Variants in ADCK1 observed in about 807,000 individuals in gnomAD.
The protein encoded by ADCK1 is aarF domain-containing protein kinase 1.
Under a neutral mutation model 52.3 loss-of-function variants are expected in ADCK1, and 41 were observed. The observed-to-expected ratio is 0.78, with a 90% CI of 0.61 to 1.02. The LOEUF (loss-of-function observed/expected upper bound fraction) is 1.02, where lower values mean the gene tolerates loss of function less well. Among genes scored for constraint, ADCK1 ranks in the 50% least tolerant of loss-of-function variants. ADCK1 has a pLI of 0.00. For missense variants in ADCK1, 658 were observed against 679.5 expected (o/e 0.97, Z 0.35); for synonymous variants, 250 against 274.6 (o/e 0.91, Z 0.89).
intron 4 of ADCK1, among the ~76,000 whole-genome samples, chr14:77,864,487 T>C (rs1261708017): frequency 6.6e-6 from 1 of 152,154 alleles, no homozygotes; most frequent in Non-Finnish European, 1.5e-5. Context: ...ACCTCTGTTG[T>C]CCCATGGAGA....
intron 3 of ADCK1, among the ~76,000 whole-genome samples, chr14:77,838,038 G>A (rs2081996350): frequency 6.6e-6 from 1 of 152,200 alleles, no homozygotes; most frequent in South Asian, 2.1e-4. Flanking sequence ...TGATCGAGAT[G>A]CTTGTTAACA....
At chr14:77,893,889 A>G (rs1204480375) in intron 5 of ADCK1, among the ~76,000 whole-genome samples, 1 of 151,752 alleles carries the variant, frequency 6.6e-6, no homozygotes, top group Non-Finnish European at 1.5e-5. Context: ...ATCTGCCACC[A>G]CGCCTGGCTA....
At chr14:77,817,809 T>C (rs185973146) in intron 1 of ADCK1, among the ~76,000 whole-genome samples, 135 of 151,692 alleles carry the variant, frequency 8.9e-4, no homozygotes, top group South Asian at 2.3e-3. Flanking sequence ...AATCTCGGCT[T>C]ACTGCAAGCT....
rs1406663824 is a variant in ADCK1, at chr14:77,931,606, T to C, written c.1295T>C (p.Leu432Ser). 1.2e-6 allele frequency: 2 copies of C among 1,613,740 alleles called. No individual in the cohort carries two copies. Among genetic ancestry groups the C allele is most frequent in the South Asian group, 2.2e-5 (2 of 91,086 alleles). Residue 432 changes from leucine to serine, a missense_variant, in exon 10 of 11, where the codon TTG (leucine) becomes TCG (serine). Leu to Ser is a moderately radical substitution (Grantham distance 145). Transcript: ENST00000238561. The part of the protein sequence containing the change: ...NHVPRQMLLI[L>S]KTNDLLRGIE... ...GTGCCGCGCCAGATGCTGCTCATCT[T>C]GAAGACCAACGACCTGCTGCGTGGC... is the stretch of plus-strand genomic sequence containing the variant.
intron 4 of ADCK1, among the ~76,000 whole-genome samples, chr14:77,867,358 G>C (rs1329006430): frequency 6.6e-6 from 1 of 152,156 alleles, no homozygotes; most frequent in Non-Finnish European, 1.5e-5. Flanking sequence ...TGTACAGGAG[G>C]ACTAGGGGCC....
At chr14:77,908,017 G>C (rs2083707362) in intron 7 of ADCK1, 98 bp downstream of exon 7, 2 of 954,688 alleles carry the variant, frequency 2.1e-6, no homozygotes, top group Admixed American at 4.2e-5. Context: ...CTCAGAGTCT[G>C]GCCCCCTTGT....
chr14:77,821,317 T>C (rs2081577383), intron 2 of ADCK1, among the ~76,000 whole-genome samples: 1 of 152,104 alleles, frequency 6.6e-6, no homozygotes, highest in South Asian at 2.1e-4. Flanking sequence ...CTGGTCTGGA[T>C]TGTCTTTGAA....
At chr14:77,800,395 C>T (rs1033593473) in intron 1 of ADCK1, among the ~76,000 whole-genome samples, 6 of 152,270 alleles carry the variant, frequency 3.9e-5, no homozygotes, top group Admixed American at 6.5e-5. Flanking sequence ...TTGCCCCGCC[C>T]CCCTGCAGTG....
intron 3 of ADCK1, among the ~76,000 whole-genome samples, chr14:77,827,677 G>T (rs1369040607): frequency 6.6e-6 from 1 of 152,024 alleles, no homozygotes; most frequent in Non-Finnish European, 1.5e-5. Context: ...GGGAAGAAAT[G>T]AAATTCAAAA....
At chr14:77,811,112 G>C (rs1388140387) in intron 1 of ADCK1, among the ~76,000 whole-genome samples, 2 of 152,004 alleles carry the variant, frequency 1.3e-5, no homozygotes, top group Non-Finnish European at 2.9e-5. Context: ...GTAGGGTTAA[G>C]TGGGGGCCAC....
intron 4 of ADCK1, among the ~76,000 whole-genome samples, chr14:77,874,352 A>G (rs1365426017): frequency 6.6e-6 from 1 of 152,190 alleles, no homozygotes; most frequent in East Asian, 1.9e-4. Flanking sequence ...GGAATCTGCA[A>G]ATAGGGTTGC....
intron 3 of ADCK1, among the ~76,000 whole-genome samples, chr14:77,852,667 A>ATATATATAT (rs2082314936): frequency 9.8e-3 from 61 of 6,228 alleles, no homozygotes; most frequent in African/African-American, 0.019. Flanking sequence ...ATAAATATAT[A>ATATATATAT]TATATATATA....
rs1444459162 is a variant in ADCK1 at position 77,805,414 on chromosome 14, A to T, written c.-12+5244A>T. On this transcript the variant is annotated intron_variant, in intron 1 of 10. Coordinates refer to ENST00000238561, the MANE Select transcript of ADCK1 (RefSeq NM_020421.4). ...GTAACTGGGATTACAGGCACCTGCC[A>T]CCACACTTGGCTAATTTTTGTATTT... Among the ~76,000 whole-genome samples the T allele has an allele frequency of 4.6e-5, 7 of 151,618 alleles. No homozygotes were observed. The East Asian group carries it at 1.4e-3, about 30-fold the overall frequency.
intron 3 of ADCK1, among the ~76,000 whole-genome samples, chr14:77,836,594 A>G (rs719049): frequency 1.3e-5 from 2 of 151,854 alleles, no homozygotes; most frequent in East Asian, 3.9e-4. Context: ...ATTCTCCTAC[A>G]TTTCTTAAGG....
chr14:77,852,180 G>T (rs8022673), intron 3 of ADCK1, among the ~76,000 whole-genome samples: 2,243 of 152,036 alleles, frequency 0.015, 55 homozygotes, highest in African/African-American at 0.051. Flanking sequence ...TATATTCTTA[G>T]TAGAGGCGGG....
intron 4 of ADCK1, among the ~76,000 whole-genome samples, chr14:77,869,621 G>A (rs1015095061): frequency 6.6e-6 from 1 of 152,170 alleles, no homozygotes; most frequent in Admixed American, 6.5e-5. Context: ...ACAACAGATG[G>A]GTGCATTAGG....
At chr14:77,846,049 C>G (rs1392068108) in intron 3 of ADCK1, among the ~76,000 whole-genome samples, 2 of 152,158 alleles carry the variant, frequency 1.3e-5, no homozygotes, top group Non-Finnish European at 2.9e-5. Flanking sequence ...TGTGATGCAG[C>G]TCTGGAGGCT....
At chr14:77,926,183 C>T (rs552653412) in intron 9 of ADCK1, among the ~76,000 whole-genome samples, 47 of 152,186 alleles carry the variant, frequency 3.1e-4, no homozygotes, top group Non-Finnish European at 6.2e-4. Flanking sequence ...GAGCTCCCCT[C>T]CAAGTCTTAT....
intron 3 of ADCK1, among the ~76,000 whole-genome samples, chr14:77,851,243 G>A (rs921050150): frequency 1.1e-4 from 16 of 151,168 alleles, no homozygotes; most frequent in Admixed American, 5.9e-4. Context: ...TCAGCTTCCC[G>A]AGTAGCTGGG....
Sources: allele counts gnomAD v4.1 joint callset (sites outside exome capture counted in the v4.1 genomes callset), GRCh38; gene constraint gnomAD v4.1.1; transcripts MANE v1.5; gene names NCBI Gene and HGNC (gene_info 2026-07-23, HGNC 2026-07-21).